Variants in PTPRN2 observed in about 807,000 individuals in gnomAD.
The protein encoded by PTPRN2 is protein tyrosine phosphatase receptor type N2.
In PTPRN2, 74 loss-of-function variants were observed where a neutral mutation model predicts 118.8. The ratio of observed to expected loss-of-function variants is 0.62; its 90% CI spans 0.52 to 0.76. The LOEUF (loss-of-function observed/expected upper bound fraction) is 0.76. Ranked by LOEUF, PTPRN2 falls within the 30% of genes least tolerant of loss-of-function variation. PTPRN2 has a pLI of 0.00. For missense variants in PTPRN2, 1,481 were observed against 1,394.4 expected (o/e 1.06, Z -0.99); for synonymous variants, 641 against 608.0 (o/e 1.05, Z -0.80).
intron 5 of PTPRN2, among the ~76,000 whole-genome samples, chr7:158,174,230 T>A (rs1360771588): frequency 6.6e-6 from 1 of 152,188 alleles, no homozygotes; most frequent in African/African-American, 2.4e-5. Flanking sequence ...TGCCGCAGCT[T>A]CAGCCGGTCC....
chr7:158,441,268 T>TC (rs1297849811), intron 2 of PTPRN2, among the ~76,000 whole-genome samples: 33 of 83,190 alleles, frequency 4.0e-4, no homozygotes, highest in Non-Finnish European at 6.9e-4. Context: ...GTGATGGTGA[T>TC]AGTGATGGTG....
At position 157,734,110 on chromosome 7, in the gene PTPRN2, T is replaced by G. The variant is rs796588476; in HGVS notation, c.1789-51173A>C. 1.9e-3 allele frequency among the ~76,000 whole-genome samples: 167 copies of G among 90,162 alleles called. 13 individuals carry two copies. Among genetic ancestry groups the G allele is most frequent in the Middle Eastern group, 6.3e-3 (1 of 158 alleles). 59.1% of individuals were successfully genotyped at this position (90,162 alleles called of 152,430 possible). A position where few individuals can be genotyped will look rare whatever the true frequency, so the allele number is the denominator to read the frequency against. ...AGCACAGTTACCCTTTCCCGTCCCA[T>G]GCGCCCAGCACAGTTACCCTTTCCC... On this transcript the variant is annotated intron_variant, in intron 12 of 22. Transcript: ENST00000389418.
At chr7:157,925,804 C>T (rs546675976) in intron 11 of PTPRN2, among the ~76,000 whole-genome samples, 2 of 151,900 alleles carry the variant, frequency 1.3e-5, no homozygotes, top group East Asian at 1.9e-4. Flanking sequence ...CACCAGCCAC[C>T]GAGACAATCA....
chr7:158,362,207 T>C (rs1809037847), intron 2 of PTPRN2, among the ~76,000 whole-genome samples: 1 of 152,168 alleles, frequency 6.6e-6, no homozygotes, highest in Non-Finnish European at 1.5e-5. Context: ...AGCTCTGGGC[T>C]GTCCAGAGGA....
chr7:157,595,215 G>A lies in PTPRN2; in HGVS notation c.2496+23C>T, dbSNP rs1801221501. 3.7e-6 allele frequency: 6 copies of A among 1,609,488 alleles called. No individual in the cohort carries two copies. In the East Asian group the frequency reaches 1.3e-4, roughly 36 times the overall value. Reference sequence around the variant, plus strand: ...TTGAGATCTTCTTTTCAGAAAGAGAGATTTTAATTTAAAAATGTTCACCTG... The same window carrying A: ...TTGAGATCTTCTTTTCAGAAAGAGAAATTTTAATTTAAAAATGTTCACCTG... On this transcript the variant is annotated intron_variant, in intron 17 of 22. Transcript: ENST00000389418.
chr7:158,380,878 C>G (rs1810918702), intron 2 of PTPRN2, among the ~76,000 whole-genome samples: 1 of 152,268 alleles, frequency 6.6e-6, no homozygotes, highest in South Asian at 2.1e-4. Flanking sequence ...TTCTGTGCAC[C>G]TGCAGGCTCA....
Position 157,609,228 on chromosome 7 carries a change from C to T in PTPRN2, c.2345-5153G>A, listed in dbSNP as rs989633971. Among the ~76,000 whole-genome samples, 1 of 152,036 alleles carries T rather than the reference C, an allele frequency of 6.6e-6. No homozygotes were observed. The highest frequency in any genetic ancestry group is 2.4e-5 in the African/African-American group (1 of 41,398). On this transcript the variant is annotated intron_variant, in intron 15 of 22. Coordinates refer to ENST00000389418, the MANE Select transcript of PTPRN2 (RefSeq NM_002847.5). The surrounding 1 kb of genome is among the most constrained non-coding windows in gnomAD (Gnocchi z 4.9). ...CAAAACCACGTCTCTACTAAAAATA[C>T]AAAAATTAGCCAGGCGTGGTGGTGG...
rs75264563 is a variant in PTPRN2 at position 157,825,351 on chromosome 7, G to T, written c.1788+73322C>A. Among the ~76,000 whole-genome samples, 2 of 152,132 alleles carry T rather than the reference G, an allele frequency of 1.3e-5. 1 individual carries two copies. The highest frequency in any genetic ancestry group is 4.1e-4 in the South Asian group (2 of 4,830). On this transcript the variant is annotated intron_variant, in intron 12 of 22. Coordinates refer to ENST00000389418, the MANE Select transcript of PTPRN2 (RefSeq NM_002847.5). ...GCAGCTCAGGGCTGAGGGCTGGAGCGGCAGGAGTAGAACACCTTGTTTCTG... is the reference window on the plus strand; with the variant it reads ...GCAGCTCAGGGCTGAGGGCTGGAGCTGCAGGAGTAGAACACCTTGTTTCTG...
chr7:157,651,707 G>A (rs1184015336), intron 14 of PTPRN2, among the ~76,000 whole-genome samples: 3 of 152,192 alleles, frequency 2.0e-5, no homozygotes, highest in Non-Finnish European at 2.9e-5. Flanking sequence ...GGATGTGACA[G>A]GATTTCTTGA....
chr7:157,875,909 C>T (rs1294857641), intron 12 of PTPRN2, among the ~76,000 whole-genome samples: 3 of 150,190 alleles, frequency 2.0e-5, no homozygotes, highest in Non-Finnish European at 3.0e-5. Flanking sequence ...CAGGCATCCC[C>T]AGGGTGGGCA....
intron 8 of PTPRN2, among the ~76,000 whole-genome samples, chr7:158,136,238 G>A (rs2150448118): frequency 6.6e-6 from 1 of 152,278 alleles, no homozygotes; most frequent in East Asian, 1.9e-4. Flanking sequence ...AGGTTTAGAT[G>A]GCCACATGTG....
chr7:157,774,710 C>T (rs563601445), intron 12 of PTPRN2, among the ~76,000 whole-genome samples: 65 of 152,298 alleles, frequency 4.3e-4, no homozygotes, highest in African/African-American at 1.5e-3. Context: ...GTGACTCAGC[C>T]TCATGGTACA....
At chr7:158,283,696 G>A (rs1799584710) in intron 3 of PTPRN2, among the ~76,000 whole-genome samples, 1 of 152,116 alleles carries the variant, frequency 6.6e-6, no homozygotes, top group Admixed American at 6.5e-5. Context: ...CAGCCCTAGT[G>A]GACACGCCCA....
In PTPRN2 at chr7:158,470,815, G is replaced by A. The variant is rs1284604767; in HGVS notation, c.163+18920C>T. 2.6e-5 allele frequency among the ~76,000 whole-genome samples: 4 copies of A among 151,852 alleles called. No individual in the cohort carries two copies. In the East Asian group the frequency reaches 5.8e-4, roughly 22 times the overall value. On this transcript the variant is annotated intron_variant, in intron 2 of 22. Coordinates refer to ENST00000389418, the MANE Select transcript of PTPRN2 (RefSeq NM_002847.5). ...TGCGTGACCTTAGGTGTGTGTTTCC[G>A]TGAGATTTTATAGATCACATGGATT...
At chr7:158,238,101 C>G (rs1439077835) in intron 3 of PTPRN2, among the ~76,000 whole-genome samples, 1 of 152,162 alleles carries the variant, frequency 6.6e-6, no homozygotes, top group Non-Finnish European at 1.5e-5. Context: ...AACGTCCGCC[C>G]CGTCCTGCCT....
intron 2 of PTPRN2, among the ~76,000 whole-genome samples, chr7:158,380,996 G>A (rs1189476813): frequency 6.6e-6 from 1 of 152,252 alleles, no homozygotes; most frequent in Admixed American, 6.5e-5. Flanking sequence ...GGGACGCAGG[G>A]CATCAAGTCC....
intron 6 of PTPRN2, among the ~76,000 whole-genome samples, chr7:158,162,111 C>T (rs1276104205): frequency 6.6e-6 from 1 of 152,190 alleles, no homozygotes; most frequent in African/African-American, 2.4e-5. Flanking sequence ...TGTGGAGCAA[C>T]AGCAGCTCAT....
intron 11 of PTPRN2, among the ~76,000 whole-genome samples, chr7:157,930,470 C>G (rs564064630): frequency 6.6e-6 from 1 of 152,338 alleles, no homozygotes; most frequent in South Asian, 2.1e-4. Flanking sequence ...GGTTTCTGCA[C>G]TGGCACCAGC....
intron 11 of PTPRN2, among the ~76,000 whole-genome samples, chr7:158,046,536 G>A (rs554894694): frequency 1.3e-5 from 2 of 152,300 alleles, no homozygotes; most frequent in East Asian, 1.9e-4. Context: ...GCAATCCCGC[G>A]ATTTCTCATG....
Sources: gnomAD v4.1 joint callset for allele counts (sites outside exome capture counted in the v4.1 genomes callset) on GRCh38, gnomAD v4.1.1 for gene constraint, Gnocchi (gnomAD v3.1) non-coding constraint, MANE v1.5 for transcripts, NCBI Gene and HGNC (gene_info 2026-07-23, HGNC 2026-07-21) for gene names.